PKN2: variants seen among roughly 807,000 people sequenced by gnomAD.
The protein encoded by PKN2 is serine/threonine-protein kinase N2.
In PKN2, 38 loss-of-function variants were observed where a neutral mutation model predicts 119.1. That is an observed-to-expected ratio of 0.32 (90% CI 0.25 to 0.42). The LOEUF (loss-of-function observed/expected upper bound fraction) is 0.42. PKN2 is among the 10% of genes least tolerant of loss of function. The pLI is 1.00. For missense variants in PKN2, 850 were observed against 1,165.1 expected, an observed-to-expected ratio of 0.73 and a Z score of 3.94; for synonymous variants, 390 against 384.9, an observed-to-expected ratio of 1.01 and a Z score of -0.15.
chr1:88,805,692 G>A, intron 11 of PKN2, 21 bp downstream of exon 11: 2 of 1,612,210 alleles, frequency 1.2e-6, no homozygotes, highest in South Asian at 1.1e-5. Context: ...GAGATTTTAA[G>A]CATCTCTTAT....
intron 8 of PKN2, among the ~76,000 whole-genome samples, chr1:88,790,788 G>C (rs556532877): frequency 1.3e-5 from 2 of 151,846 alleles, no homozygotes; most frequent in East Asian, 3.9e-4. Context: ...GTTTTCTCTT[G>C]GTAGTTAAAC....
chr1:88,765,652 G>GTGT (rs373127974), intron 3 of PKN2, among the ~76,000 whole-genome samples: 11 of 152,200 alleles, frequency 7.2e-5, no homozygotes, highest in African/African-American at 2.2e-4. Flanking sequence ...AGTGGAAGTG[G>GTGT]TGTTGTTGTT....
At chr1:88,824,193 A>T in intron 17 of PKN2, 117 bp from the exon 18 acceptor site, 1 of 582,452 alleles carries the variant, frequency 1.7e-6, no homozygotes, top group East Asian at 2.8e-5. Flanking sequence ...ATAACTTGGA[A>T]ATCCCATTTT....
intron 8 of PKN2, among the ~76,000 whole-genome samples, chr1:88,789,825 C>T (rs149969783): frequency 1.3e-5 from 2 of 152,138 alleles, no homozygotes; most frequent in African/African-American, 4.8e-5. Context: ...CTCCTATTCT[C>T]ATTCTCCCAA....
intron 1 of PKN2, among the ~76,000 whole-genome samples, chr1:88,702,813 CT>C (rs1666824135): frequency 6.6e-6 from 1 of 152,098 alleles, no homozygotes; most frequent in Non-Finnish European, 1.5e-5. Context: ...ATAGTTTCAC[CT>C]TTGGGAGAAT....
chr1:88,828,158 A>C (rs1221043959), intron 18 of PKN2, among the ~76,000 whole-genome samples: 1 of 152,198 alleles, frequency 6.6e-6, no homozygotes, highest in East Asian at 1.9e-4. Context: ...TTAAGATTGA[A>C]TTGGAAAGAT....
intron 7 of PKN2, 27 bp from the exon 8 acceptor site, chr1:88,786,077 A>G: frequency 1.4e-6 from 2 of 1,380,514 alleles, no homozygotes; most frequent in Non-Finnish European, 2.1e-6. Flanking sequence ...TAAAGTTTTT[A>G]AGCAAGTTTG....
intron 2 of PKN2, among the ~76,000 whole-genome samples, chr1:88,752,717 T>C (rs1433444653): frequency 6.6e-6 from 1 of 152,142 alleles, no homozygotes; most frequent in Non-Finnish European, 1.5e-5. Context: ...GTTATTAATA[T>C]AGGTTGTGGG....
rs370679245 is a variant in PKN2 at position 88,771,658 on chromosome 1, G to A, written c.769-5G>A. ...ATGACAACAATTGTCTTTTCCCTGT[G>A]CAAGGCTCAAGCAAGATTTAATGAA... On this transcript the variant is annotated splice_polypyrimidine_tract_variant and splice_region_variant and intron_variant, in intron 5 of 21. Coordinates refer to ENST00000370521, the MANE Select transcript of PKN2 (RefSeq NM_006256.4). 7.4e-6 allele frequency: 12 copies of A among 1,611,830 alleles called. No individual in the cohort carries two copies. The highest frequency in any genetic ancestry group is 9.3e-6 in the Non-Finnish European group (11 of 1,178,272).
intron 6 of PKN2, among the ~76,000 whole-genome samples, chr1:88,773,528 C>G (rs1669975383): frequency 6.6e-6 from 1 of 152,206 alleles, no homozygotes; most frequent in African/African-American, 2.4e-5. Context: ...AACTCCTGGC[C>G]TCAAGTGATC....
intron 8 of PKN2, among the ~76,000 whole-genome samples, chr1:88,789,383 C>T (rs1183903639): frequency 6.6e-6 from 1 of 152,054 alleles, no homozygotes; most frequent in Non-Finnish European, 1.5e-5. Flanking sequence ...AGAAGTTAGC[C>T]GTGTGCAGTA....
At chr1:88,687,976 A>T (rs1666171373) in intron 1 of PKN2, among the ~76,000 whole-genome samples, 1 of 152,190 alleles carries the variant, frequency 6.6e-6, no homozygotes, top group South Asian at 2.1e-4. Context: ...GGTAGGTGTT[A>T]TTTCCATGTT....
chr1:88,688,822 T>C (rs1666218707), intron 1 of PKN2, among the ~76,000 whole-genome samples: 1 of 152,232 alleles, frequency 6.6e-6, no homozygotes, highest in Non-Finnish European at 1.5e-5. Context: ...TTGATGAGAA[T>C]GCTCCATTTG....
intron 8 of PKN2, among the ~76,000 whole-genome samples, chr1:88,787,292 T>C (rs1232427002): frequency 6.6e-6 from 1 of 152,106 alleles, no homozygotes; most frequent in Non-Finnish European, 1.5e-5. Flanking sequence ...CTGAGTAATA[T>C]CAAAATGAAA....
At chr1:88,725,939 T>C (rs1667881902) in intron 1 of PKN2, among the ~76,000 whole-genome samples, 1 of 152,208 alleles carries the variant, frequency 6.6e-6, no homozygotes, top group Non-Finnish European at 1.5e-5. Flanking sequence ...TAGGTTTTTA[T>C]CTATGTTTTA....
chr1:88,798,329 A>G (rs371751042), intron 8 of PKN2, among the ~76,000 whole-genome samples: 1 of 152,000 alleles, frequency 6.6e-6, no homozygotes, highest in East Asian at 1.9e-4. Flanking sequence ...GAAGAGTTTG[A>G]AAACATGAGC....
At chr1:88,785,637 T>C (rs1467663838) in intron 7 of PKN2, among the ~76,000 whole-genome samples, 1 of 152,098 alleles carries the variant, frequency 6.6e-6, no homozygotes, top group African/African-American at 2.4e-5. Flanking sequence ...TGTAGATGTA[T>C]AACTGGGGGG....
chr1:88,691,951 T>C (rs2100647862), intron 1 of PKN2, among the ~76,000 whole-genome samples: 1 of 152,282 alleles, frequency 6.6e-6, no homozygotes, highest in South Asian at 2.1e-4. Flanking sequence ...TAAGTATGTA[T>C]GTTAAAGGAA....
chr1:88,745,655 C>G (rs1027904038), intron 2 of PKN2, among the ~76,000 whole-genome samples: 31 of 152,040 alleles, frequency 2.0e-4, no homozygotes, highest in African/African-American at 7.2e-4. Flanking sequence ...GTTAAAATGT[C>G]CATACTACCC....
Sources: gnomAD v4.1 joint callset for allele counts (sites outside exome capture counted in the v4.1 genomes callset) on GRCh38, gnomAD v4.1.1 for gene constraint, MANE v1.5 for transcripts, NCBI Gene and HGNC (gene_info 2026-07-23, HGNC 2026-07-21) for gene names.